Variants in IPP observed in about 807,000 individuals in gnomAD.
IPP encodes the protein actin-binding protein IPP.
A neutral mutation model predicts 64.1 loss-of-function variants in IPP; 41 were observed. That is an observed-to-expected ratio of 0.64 (90% CI 0.50 to 0.83). The LOEUF (loss-of-function observed/expected upper bound fraction) is 0.83, where lower values mean the gene tolerates loss of function less well. Among genes scored for constraint, IPP ranks in the 40% least tolerant of loss-of-function variants. IPP has a pLI of 0.00. For missense variants in IPP, 649 were observed against 703.0 expected (o/e 0.92, Z 0.87); for synonymous variants, 214 against 235.2 (o/e 0.91, Z 0.83).
downstream of IPP, chr1:45,694,492 G>A (rs374145314): frequency 2.1e-5 from 32 of 1,541,274 alleles, no homozygotes; most frequent in East Asian, 5.1e-4. Flanking sequence ...CACTTCAAGC[G>A]GAAAACCTCG....
chr1:45,723,602 AG>A (rs1204403575), intron 5 of IPP, among the ~76,000 whole-genome samples: 1 of 152,238 alleles, frequency 6.6e-6, no homozygotes, highest in East Asian at 1.9e-4. Context: ...TTATGCAGAC[AG>A]GAAGTTATTG....
chr1:45,695,843 A>G (rs1299632489), downstream of IPP, among the ~76,000 whole-genome samples: 3 of 152,078 alleles, frequency 2.0e-5, no homozygotes, highest in Non-Finnish European at 1.5e-5. Flanking sequence ...CTAATTTTGT[A>G]TTTTTAGTAG....
intron 7 of IPP, 103 bp downstream of exon 7, chr1:45,716,792 A>G: frequency 1.1e-6 from 1 of 927,952 alleles, no homozygotes; most frequent in Non-Finnish European, 1.6e-6. Context: ...TCAGTCATTC[A>G]ATACTAACAG....
At chr1:45,735,160 T>G (rs1570029826) in intron 3 of IPP, among the ~76,000 whole-genome samples, 1 of 151,350 alleles carries the variant, frequency 6.6e-6, no homozygotes, top group African/African-American at 2.4e-5. Flanking sequence ...CTCAGCTCAC[T>G]GTAACCTCAA....
At chr1:45,710,247 A>G (rs1168393321) in intron 8 of IPP, among the ~76,000 whole-genome samples, 2 of 113,156 alleles carry the variant, frequency 1.8e-5, no homozygotes, top group Non-Finnish European at 3.7e-5. Context: ...AAAAAGAGAG[A>G]AGCTCTTTGA....
Position 45,741,623 on chromosome 1 carries a change from CTTTTTTT to C in IPP, c.293-298_293-292del, listed in dbSNP as rs57797396. Reference sequence around the variant, plus strand: ...TAGATATTATTATTTTTCTTATTTTCTTTTTTTTTTTTTTTTTTTTTTTGAGACGGAG... The same window carrying C: ...TAGATATTATTATTTTTCTTATTTTCTTTTTTTTTTTTTTTTGAGACGGAG... On this transcript the variant is annotated intron_variant, in intron 2 of 8. Transcript: ENST00000396478. Among the ~76,000 whole-genome samples, 18 of 96,132 alleles carry C rather than the reference CTTTTTTT, an allele frequency of 1.9e-4. 1 individual carries two copies. The highest frequency in any genetic ancestry group is 6.6e-4 in the African/African-American group (17 of 25,918). 63.1% of individuals were successfully genotyped at this position (96,132 alleles called of 152,430 possible).
At chr1:45,747,790 T>C (rs1646157753) in intron 1 of IPP, among the ~76,000 whole-genome samples, 1 of 120,098 alleles carries the variant, frequency 8.3e-6, no homozygotes, top group Non-Finnish European at 1.6e-5. Flanking sequence ...ATCACACCAC[T>C]GCCCTCCGCT....
At chr1:45,749,615 G>A (rs1053280159) in intron 1 of IPP, among the ~76,000 whole-genome samples, 2 of 150,358 alleles carry the variant, frequency 1.3e-5, no homozygotes, top group African/African-American at 4.9e-5. Context: ...CCGCCTCCCG[G>A]GTTCACGCCA....
downstream of IPP, chr1:45,696,789 A>C (rs1207440100): frequency 6.6e-6 from 1 of 152,356 alleles, no homozygotes; most frequent in Non-Finnish European, 1.5e-5. Flanking sequence ...TCAAAACAAA[A>C]ACAAAAACAA....
At chr1:45,729,529 T>C in intron 4 of IPP, 85 bp downstream of exon 4, 2 of 1,010,628 alleles carry the variant, frequency 2.0e-6, no homozygotes, top group Admixed American at 4.5e-5. Flanking sequence ...TATTCTGACA[T>C]GTATAGTAAT....
intron 5 of IPP, among the ~76,000 whole-genome samples, chr1:45,725,316 C>T (rs1487666610): frequency 8.9e-5 from 12 of 134,976 alleles, no homozygotes; most frequent in African/African-American, 1.7e-4. Context: ...GCCCGGCCAG[C>T]CGCCCCGTCC....
intron 5 of IPP, among the ~76,000 whole-genome samples, chr1:45,724,323 G>T (rs1156684223): frequency 5.3e-5 from 8 of 151,110 alleles, no homozygotes; most frequent in Admixed American, 5.3e-4. Context: ...GCGTGATCTC[G>T]GCTCGCTACA....
At position 45,749,205 on chromosome 1, in the gene IPP, A is replaced by G. The variant is rs1466044855; in HGVS notation, c.-51+1392T>C. On this transcript the variant is annotated intron_variant, in intron 1 of 8. Coordinates refer to ENST00000396478, the MANE Select transcript of IPP (RefSeq NM_005897.3). ...CTAAAATGCTGCCTCCTGCTACAAG[A>G]AAGAGTTGACTGAATATCCATTCGG... 3.3e-5 allele frequency among the ~76,000 whole-genome samples: 5 copies of G among 152,330 alleles called. No homozygotes were observed. The East Asian group carries it at 7.7e-4, about 23-fold the overall frequency.
chr1:45,699,687 G>T lies in IPP; in HGVS notation c.*279C>A. ...GTTTATTTTTTTTCTTTAAGAGACAGGATCTCATTCTGTTGCCCAGAGTGG... is the reference window on the plus strand; with the variant it reads ...GTTTATTTTTTTTCTTTAAGAGACATGATCTCATTCTGTTGCCCAGAGTGG... On this transcript the variant is annotated 3_prime_UTR_variant, in exon 9 of 9. Transcript: ENST00000396478. The T allele has an allele frequency of 8.9e-7, 1 of 1,118,006 alleles. No homozygotes were observed. Among genetic ancestry groups the T allele is most frequent in the Non-Finnish European group, 1.1e-6 (1 of 896,968 alleles). The allele number at this position is 1,118,006 out of a possible 1,614,324, so 69.3% of individuals were successfully genotyped here.
In IPP at chr1:45,698,924, G is replaced by T; in HGVS notation, c.*1042C>A. The T allele has an allele frequency of 2.2e-6, 1 of 448,666 alleles. No homozygotes were observed. The highest frequency in any genetic ancestry group is 2.9e-6 in the Non-Finnish European group (1 of 339,824). The allele number at this position is 448,666 out of a possible 1,614,324, so 27.8% of individuals were successfully genotyped here. A position where few individuals can be genotyped will look rare whatever the true frequency, so the allele number is the denominator to read the frequency against. On this transcript the variant is annotated 3_prime_UTR_variant, in exon 9 of 9. Coordinates refer to ENST00000396478, the MANE Select transcript of IPP (RefSeq NM_005897.3). ...TTTGGTAGAGACGGAGTCTCATCAC[G>T]TTGCCCAGGCTAGTCTCGAACTCCT... is the stretch of plus-strand genomic sequence containing the variant.
At chr1:45,734,509 C>T (rs1344215162) in intron 3 of IPP, among the ~76,000 whole-genome samples, 2 of 152,068 alleles carry the variant, frequency 1.3e-5, no homozygotes, top group East Asian at 3.8e-4. Flanking sequence ...ACAGTCATAG[C>T]ACACTGCAGC....
intron 5 of IPP, among the ~76,000 whole-genome samples, chr1:45,722,031 T>A (rs987147139): frequency 6.6e-6 from 1 of 152,024 alleles, no homozygotes; most frequent in African/African-American, 2.4e-5. Flanking sequence ...ATCACGCCAC[T>A]GCACTACAGC....
intron 5 of IPP, among the ~76,000 whole-genome samples, chr1:45,724,884 A>G (rs1645790895): frequency 1.5e-5 from 2 of 137,256 alleles, no homozygotes; most frequent in African/African-American, 2.8e-5. Context: ...TCGGGGAGGG[A>G]GGTGGGGGGG....
At chr1:45,724,013 G>C (rs28594599) in intron 5 of IPP, among the ~76,000 whole-genome samples, 7 of 143,300 alleles carry the variant, frequency 4.9e-5, no homozygotes, top group Admixed American at 2.1e-4. Context: ...CTCCTTCCAC[G>C]GTCTCCCTCT....
Sources: gnomAD v4.1 joint callset for allele counts (sites outside exome capture counted in the v4.1 genomes callset) on GRCh38, gnomAD v4.1.1 for gene constraint, MANE v1.5 for transcripts, NCBI Gene and HGNC (gene_info 2026-07-23, HGNC 2026-07-21) for gene names.